The following XKR4 variants were observed in gnomAD, a reference collection of about 807,000 sequenced individuals.
XKR4 encodes the protein XK-related protein 4.
XKR4 carries 12 observed loss-of-function variants against 53.9 expected under a neutral mutation model. The ratio of observed to expected loss-of-function variants is 0.22; its 90% CI spans 0.14 to 0.36. The LOEUF is 0.36. Among genes scored for constraint, XKR4 ranks in the 10% least tolerant of loss-of-function variants. The pLI is 1.00. For synonymous variants in XKR4, 354 were observed against 362.4 expected, an observed-to-expected ratio of 0.98 and a Z score of 0.26; for missense variants, 799 against 859.5, an observed-to-expected ratio of 0.93 and a Z score of 0.88.
chr8:55,194,256 C>T (rs1047189711), intron 1 of XKR4, among the ~76,000 whole-genome samples: 13 of 152,168 alleles, frequency 8.5e-5, no homozygotes, highest in African/African-American at 2.9e-4. Context: ...TGTCTTTTAG[C>T]CATGGAGACG....
intron 2 of XKR4, chr8:55,450,015 G>T (rs1303396676): frequency 7.6e-6 from 6 of 786,938 alleles, no homozygotes; most frequent in African/African-American, 1.7e-5. Flanking sequence ...GGTGAGGTGC[G>T]GTGGACACTA....
chr8:55,446,583 A>G (rs569918030), intron 2 of XKR4, among the ~76,000 whole-genome samples: 30 of 152,252 alleles, frequency 2.0e-4, no homozygotes, highest in African/African-American at 7.0e-4. Flanking sequence ...TCCTGAGCTC[A>G]GGAGATCTGC....
intron 1 of XKR4, among the ~76,000 whole-genome samples, chr8:55,147,998 G>C (rs750604808): frequency 2.6e-5 from 4 of 152,018 alleles, no homozygotes; most frequent in Non-Finnish European, 4.4e-5. Context: ...TGGTGGCCTT[G>C]GTCTCTCATT....
At position 55,152,732 on chromosome 8, in the gene XKR4, TGTTTTGCTCTAATACA is replaced by T. The variant is rs1816855150; in HGVS notation, c.806+49442_806+49457del. On this transcript the variant is annotated intron_variant, in intron 1 of 2. Coordinates refer to ENST00000327381, the MANE Select transcript of XKR4 (RefSeq NM_052898.2). ...GTAGAGGGAAAAAAATCAACTGATT[TGTTTTGCTCTAATACA>T]GTTCAGTCATTTCAGTATTCAGATA... Among the ~76,000 whole-genome samples, 2 of 152,206 alleles carry T rather than the reference TGTTTTGCTCTAATACA, an allele frequency of 1.3e-5. 1 individual carries two copies. The highest frequency in any genetic ancestry group is 4.1e-4 in the South Asian group (2 of 4,838).
Position 55,417,739 on chromosome 8 carries a change from G to A in XKR4, c.1006+59862G>A, listed in dbSNP as rs75816653. 2.6e-4 allele frequency among the ~76,000 whole-genome samples: 40 copies of A among 152,182 alleles called. 1 individual carries two copies. In the East Asian group the frequency reaches 5.8e-3, roughly 22 times the overall value. On this transcript the variant is annotated intron_variant, in intron 2 of 2. Transcript: ENST00000327381. ...GAGGTATCATCATTATCTGTTAACCGCATAACGAATGTTCATGCACTACCT... is the reference window on the plus strand; with the variant it reads ...GAGGTATCATCATTATCTGTTAACCACATAACGAATGTTCATGCACTACCT...
intron 1 of XKR4, among the ~76,000 whole-genome samples, chr8:55,135,822 C>A (rs906345536): frequency 6.6e-6 from 1 of 152,130 alleles, no homozygotes; most frequent in Non-Finnish European, 1.5e-5. Flanking sequence ...GGAAGTGGAA[C>A]AGCTCTGAAG....
rs148842273 is a variant in XKR4 at position 55,516,628 on chromosome 8, G to A, written c.1007-6653G>A. On this transcript the variant is annotated intron_variant, in intron 2 of 2. Transcript: ENST00000327381. Reference sequence around the variant, plus strand: ...TTAAAAAGTCAAAAAAACAACAGATGTTGACAAGGATGTGGAGAAAAGGGA... The same window carrying A: ...TTAAAAAGTCAAAAAAACAACAGATATTGACAAGGATGTGGAGAAAAGGGA... Among the ~76,000 whole-genome samples the A allele has an allele frequency of 1.2e-3, 188 of 152,326 alleles. 1 individual carries two copies. The highest frequency in any genetic ancestry group is 6.8e-3 in the Middle Eastern group (2 of 294).
At chr8:55,354,781 T>C (rs184568246) in intron 1 of XKR4, among the ~76,000 whole-genome samples, 33 of 149,726 alleles carry the variant, frequency 2.2e-4, no homozygotes, top group Admixed American at 1.9e-3. Flanking sequence ...TGAAAGAAAA[T>C]TTTAAAATTG....
At chr8:55,341,961 C>A (rs530515089) in intron 1 of XKR4, among the ~76,000 whole-genome samples, 1 of 152,186 alleles carries the variant, frequency 6.6e-6, no homozygotes, top group Non-Finnish European at 1.5e-5. Flanking sequence ...GCTTTAAATA[C>A]CCTAACATCT....
intron 1 of XKR4, among the ~76,000 whole-genome samples, chr8:55,268,214 G>T (rs1441109634): frequency 4.6e-5 from 7 of 152,186 alleles, no homozygotes; most frequent in Non-Finnish European, 1.0e-4. Context: ...AGGGTAACAA[G>T]ATTCTCTATG....
intron 2 of XKR4, among the ~76,000 whole-genome samples, chr8:55,366,011 C>A (rs1279666647): frequency 6.6e-6 from 1 of 152,216 alleles, no homozygotes; most frequent in Admixed American, 6.5e-5. Flanking sequence ...GGGCACAGGC[C>A]GGCTGCTGCT....
intron 2 of XKR4, among the ~76,000 whole-genome samples, chr8:55,516,540 T>C (rs1446902597): frequency 6.6e-6 from 1 of 152,088 alleles, no homozygotes; most frequent in Non-Finnish European, 1.5e-5. Flanking sequence ...ATGTTTGCAA[T>C]GATGTTGGGA....
At chr8:55,164,091 A>T (rs1337980526) in intron 1 of XKR4, 1 of 420,226 alleles carries the variant, frequency 2.4e-6, no homozygotes, top group African/African-American at 2.0e-5. Flanking sequence ...GACCCACATT[A>T]AGACCTCCAC....
At chr8:55,145,600 C>G (rs1386518926) in intron 1 of XKR4, among the ~76,000 whole-genome samples, 1 of 152,122 alleles carries the variant, frequency 6.6e-6, no homozygotes, top group African/African-American at 2.4e-5. Flanking sequence ...CAAAATGATC[C>G]AAATATTTTT....
At chr8:55,423,048 A>T (rs1804958977) in intron 2 of XKR4, among the ~76,000 whole-genome samples, 1 of 152,196 alleles carries the variant, frequency 6.6e-6, no homozygotes, top group Non-Finnish European at 1.5e-5. Flanking sequence ...ATAATCTATT[A>T]AATCAACAAC....
chr8:55,357,834 G>A lies in XKR4; in HGVS notation c.963G>A (p.Gln321=). ...AAAGTGCTCCACAGCTGGTCCTGCA[G>A]CTCTGCATTATCGTACAGACTCATA... ...FLESAPQLVL[Q]LCIIVQTHSL... The change falls in exon 2 of 3, where the codon CAG becomes CAA. Residue 321 remains glutamine (Q), a synonymous_variant. Transcript: ENST00000327381. The A allele has an allele frequency of 6.2e-7, 1 of 1,614,170 alleles. No individual in the cohort carries two copies. The highest frequency in any genetic ancestry group is 8.5e-7 in the Non-Finnish European group (1 of 1,180,022).
intron 1 of XKR4, among the ~76,000 whole-genome samples, chr8:55,341,814 G>A (rs752361509): frequency 4.6e-5 from 7 of 151,948 alleles, no homozygotes; most frequent in Non-Finnish European, 7.4e-5. Flanking sequence ...GGCCCCTGGG[G>A]CCGCCTGATG....
chr8:55,534,677 G>C lies in XKR4; in HGVS notation c.*10450G>C, dbSNP rs1404492354. 1.3e-5 allele frequency: 2 copies of C among 151,232 alleles called. No individual in the cohort carries two copies. Among genetic ancestry groups the C allele is most frequent in the South Asian group, 4.2e-4 (2 of 4,810 alleles). The allele number at this position is 151,232 out of a possible 1,614,324, so 9.4% of individuals were successfully genotyped here. On this transcript the variant is annotated 3_prime_UTR_variant, in exon 3 of 3. Coordinates refer to ENST00000327381, the MANE Select transcript of XKR4 (RefSeq NM_052898.2). ...GGCGTGAGCCACCACACCCGGCCCCGATATTCTTAATGACTAAATTTTCAC... is the reference window on the plus strand; with the variant it reads ...GGCGTGAGCCACCACACCCGGCCCCCATATTCTTAATGACTAAATTTTCAC...
intron 2 of XKR4, among the ~76,000 whole-genome samples, chr8:55,442,153 G>A (rs989409359): frequency 2.6e-5 from 4 of 151,954 alleles, no homozygotes; most frequent in Non-Finnish European, 4.4e-5. Flanking sequence ...ATAAAAAGGG[G>A]CATTAATATA....
Sources: allele counts gnomAD v4.1 joint callset (sites outside exome capture counted in the v4.1 genomes callset), GRCh38; gene constraint gnomAD v4.1.1; transcripts MANE v1.5; gene names NCBI Gene and HGNC (gene_info 2026-07-23, HGNC 2026-07-21).